The following CSMD1 variants were observed in gnomAD, a reference collection of about 807,000 sequenced individuals.
CSMD1 encodes CUB and sushi domain-containing protein 1.
CSMD1 carries 213 observed loss-of-function variants against 417.5 expected under a neutral mutation model. The observed-to-expected ratio is 0.51, with a 90% CI of 0.46 to 0.57. The LOEUF is 0.57. CSMD1 is among the 20% of genes least tolerant of loss of function. CSMD1 has a pLI of 0.00. For missense variants in CSMD1, 6,923 were observed against 4,529.7 expected, an observed-to-expected ratio of 1.53 and a Z score of -15.17; for synonymous variants, 2,862 against 1,736.8, an observed-to-expected ratio of 1.65 and a Z score of -16.11.
chr8:3,732,311 T>G (rs1164289112), intron 6 of CSMD1, among the ~76,000 whole-genome samples: 1 of 152,202 alleles, frequency 6.6e-6, no homozygotes, highest in South Asian at 2.1e-4. Flanking sequence ...AAAAATAATT[T>G]TGATCAAGTC....
intron 3 of CSMD1, among the ~76,000 whole-genome samples, chr8:4,331,884 G>T (rs1799887553): frequency 6.6e-6 from 1 of 152,044 alleles, no homozygotes; most frequent in African/African-American, 2.4e-5. Context: ...TACATAGCTA[G>T]AGAGTTTAAC....
Position 3,076,029 on chromosome 8 carries a change from C to T in CSMD1, c.7474+11068G>A, listed in dbSNP as rs138085874. On this transcript the variant is annotated intron_variant, in intron 49 of 69. Transcript: ENST00000635120. Reference sequence around the variant, plus strand: ...TCGCGCCACTGCACTCTAGCCTGGGCGACAGAGCGAGACTCCGTCTCAAAA... The same window carrying T: ...TCGCGCCACTGCACTCTAGCCTGGGTGACAGAGCGAGACTCCGTCTCAAAA... Among the ~76,000 whole-genome samples, 1,071 of 148,730 alleles carry T rather than the reference C, an allele frequency of 7.2e-3. 18 individuals are homozygous for T. The highest frequency in any genetic ancestry group is 0.023 in the African/African-American group (930 of 40,146).
At chr8:3,288,693 CTTCT>C (rs1242474188) in intron 25 of CSMD1, among the ~76,000 whole-genome samples, 1 of 146,578 alleles carries the variant, frequency 6.8e-6, no homozygotes, top group Non-Finnish European at 1.5e-5. Flanking sequence ...TCTCTCTTTT[CTTCT>C]TTATTTTTCT....
At chr8:3,310,156 T>A (rs1391951044) in intron 23 of CSMD1, among the ~76,000 whole-genome samples, 1 of 151,906 alleles carries the variant, frequency 6.6e-6, no homozygotes, top group Non-Finnish European at 1.5e-5. Flanking sequence ...GGTTTCAGGG[T>A]CATTCAAATA....
intron 7 of CSMD1, among the ~76,000 whole-genome samples, chr8:3,675,449 T>C (rs1178530743): frequency 6.6e-6 from 1 of 152,116 alleles, no homozygotes; most frequent in African/African-American, 2.4e-5. Context: ...AGACCAAAAA[T>C]CCAAGAGAAG....
chr8:3,934,834 A>G (rs570189948), intron 5 of CSMD1, among the ~76,000 whole-genome samples: 2 of 152,272 alleles, frequency 1.3e-5, no homozygotes, highest in East Asian at 3.9e-4. Context: ...GCAACAGAGC[A>G]AGACTCTGTC....
intron 5 of CSMD1, among the ~76,000 whole-genome samples, chr8:3,800,725 G>A (rs1800408434): frequency 6.6e-6 from 1 of 152,102 alleles, no homozygotes; most frequent in Non-Finnish European, 1.5e-5. Context: ...AACAGTTCTT[G>A]AAGGAAAAGA....
chr8:4,077,720 T>A (rs998533463), intron 3 of CSMD1, among the ~76,000 whole-genome samples: 2 of 152,202 alleles, frequency 1.3e-5, no homozygotes, highest in African/African-American at 4.8e-5. Flanking sequence ...CTTACCATTC[T>A]CAAATTTGCT....
intron 3 of CSMD1, among the ~76,000 whole-genome samples, chr8:4,372,176 A>G (rs530215190): frequency 3.2e-4 from 48 of 152,326 alleles, no homozygotes; most frequent in Middle Eastern, 3.4e-3. Context: ...CCAAAAAGAG[A>G]TATTTTTTTG....
intron 22 of CSMD1, among the ~76,000 whole-genome samples, chr8:3,345,703 T>G (rs1298577621): frequency 6.6e-6 from 1 of 152,178 alleles, no homozygotes; most frequent in African/African-American, 2.4e-5. Context: ...CTACAAACCC[T>G]CCTCAGAGTT....
At chr8:4,625,168 T>C (rs1240237134) in intron 2 of CSMD1, among the ~76,000 whole-genome samples, 1 of 151,910 alleles carries the variant, frequency 6.6e-6, no homozygotes, top group Non-Finnish European at 1.5e-5. Context: ...GGGAATCTCG[T>C]ACGGGGAGAT....
intron 5 of CSMD1, among the ~76,000 whole-genome samples, chr8:3,968,662 G>A (rs553575736): frequency 5.7e-4 from 86 of 152,182 alleles, no homozygotes; most frequent in Non-Finnish European, 7.8e-4. Context: ...CCTAAATCCC[G>A]AAAGCTGATA....
At chr8:3,358,828 G>C (rs1808968981) in intron 21 of CSMD1, among the ~76,000 whole-genome samples, 1 of 150,894 alleles carries the variant, frequency 6.6e-6, no homozygotes, top group South Asian at 2.1e-4. Flanking sequence ...CTATCTTCCA[G>C]TTTTTCTTTT....
At chr8:4,443,329 C>T (rs1210859109) in intron 2 of CSMD1, among the ~76,000 whole-genome samples, 1 of 152,202 alleles carries the variant, frequency 6.6e-6, no homozygotes, top group African/African-American at 2.4e-5. Flanking sequence ...TAGAGAAAGT[C>T]TACCCACAAT....
At chr8:3,167,291 G>GAAAAGAAAAAAAAAAAAAAAAAAAAAAAA (rs547453018) in intron 37 of CSMD1, among the ~76,000 whole-genome samples, 5 of 102,628 alleles carry the variant, frequency 4.9e-5, no homozygotes, top group Non-Finnish European at 6.2e-5. Flanking sequence ...CTTGGAAAAA[G>GAAAAGAAAAAAAAAAAAAAAAAAAAAAAA]AAAAAAAAAA....
Position 3,549,693 on chromosome 8 carries a change from C to G in CSMD1, c.1344+25252G>C, listed in dbSNP as rs573480941. On this transcript the variant is annotated intron_variant, in intron 10 of 69. Transcript: ENST00000635120. ...AGCTAGCCCCCTTCAACACTGGACG[C>G]CGTGTGCTGCCTTGGGCCTCTACAG... 2.0e-5 allele frequency among the ~76,000 whole-genome samples: 3 copies of G among 152,240 alleles called. No homozygotes were observed. The South Asian group carries it at 6.2e-4, about 32-fold the overall frequency.
chr8:4,650,580 C>T (rs556392121), intron 1 of CSMD1, among the ~76,000 whole-genome samples: 11 of 151,630 alleles, frequency 7.3e-5, no homozygotes, highest in African/African-American at 2.7e-4. Flanking sequence ...TGAAACTCCA[C>T]GGAGAATTCG....
At chr8:4,818,495 G>C (rs980504480) in intron 1 of CSMD1, among the ~76,000 whole-genome samples, 22 of 152,104 alleles carry the variant, frequency 1.4e-4, no homozygotes, top group African/African-American at 4.8e-4. Context: ...ATTTAGTTTA[G>C]CATACATTAA....
chr8:4,821,567 C>A (rs529743197), intron 1 of CSMD1, among the ~76,000 whole-genome samples: 5 of 152,054 alleles, frequency 3.3e-5, no homozygotes, highest in African/African-American at 1.2e-4. Context: ...TTGAAATCCC[C>A]TAGTAATCAG....
Sources: gnomAD v4.1 joint callset for allele counts (sites outside exome capture counted in the v4.1 genomes callset) on GRCh38, gnomAD v4.1.1 for gene constraint, MANE v1.5 for transcripts, NCBI Gene and HGNC (gene_info 2026-07-23, HGNC 2026-07-21) for gene names.